Variants in CHODL observed in about 807,000 individuals in gnomAD.
CHODL encodes the protein transmembrane protein MT75.
CHODL carries 29 observed loss-of-function variants against 34.5 expected under a neutral mutation model. That is an observed-to-expected ratio of 0.84 (90% confidence interval 0.63 to 1.15). The LOEUF (loss-of-function observed/expected upper bound fraction) is 1.15, where lower values mean the gene tolerates loss of function less well. Ranked by LOEUF, CHODL falls within the 50% of genes most tolerant of loss-of-function variation. CHODL has a pLI of 0.00. For missense variants in CHODL, 332 were observed against 332.5 expected (o/e 1.00, Z 0.01); for synonymous variants, 125 against 116.1 (o/e 1.08, Z -0.49).
chr21:18,153,443 T>C (rs1006650467), intron 2 of CHODL, among the ~76,000 whole-genome samples: 2 of 152,194 alleles, frequency 1.3e-5, no homozygotes, highest in Non-Finnish European at 2.9e-5. Context: ...GATGAGTCAT[T>C]CTTATGCTTC....
intron 2 of CHODL, among the ~76,000 whole-genome samples, chr21:18,140,298 C>A (rs1383479365): frequency 6.6e-6 from 1 of 152,120 alleles, no homozygotes; most frequent in Admixed American, 6.5e-5. Context: ...CTTGATAATC[C>A]CTAAAATTTA....
At chr21:17,992,718 G>T (rs197563) in intron 1 of CHODL, among the ~76,000 whole-genome samples, 12,444 of 57,166 alleles carry the variant, frequency 0.22, 2,167 homozygotes, top group African/African-American at 0.43. Flanking sequence ...TGGTGGAGTT[G>T]TTTTTTTTTT....
chr21:17,927,242 G>A (rs1341859361), intron 1 of CHODL, among the ~76,000 whole-genome samples: 1 of 150,848 alleles, frequency 6.6e-6, no homozygotes, highest in African/African-American at 2.4e-5. Flanking sequence ...AAGAAAACTT[G>A]AATATTGGCT....
intron 2 of CHODL, among the ~76,000 whole-genome samples, chr21:18,068,900 A>T (rs1329376566): frequency 6.6e-6 from 1 of 152,052 alleles, no homozygotes; most frequent in Non-Finnish European, 1.5e-5. Context: ...ACTCCTGGGT[A>T]AGAGACAAAG....
intron 2 of CHODL, among the ~76,000 whole-genome samples, chr21:18,206,777 C>G (rs1233265236): frequency 6.7e-6 from 1 of 149,722 alleles, no homozygotes; most frequent in Non-Finnish European, 1.5e-5. Flanking sequence ...TGGTGTTCTA[C>G]TTTCTTACTT....
intron 1 of CHODL, among the ~76,000 whole-genome samples, chr21:17,918,408 G>A (rs2063158146): frequency 6.6e-6 from 1 of 152,092 alleles, no homozygotes; most frequent in Non-Finnish European, 1.5e-5. Flanking sequence ...GCGGGGGGTT[G>A]AGGGGCTCAC....
chr21:18,113,131 A>G (rs1391218730), intron 2 of CHODL, among the ~76,000 whole-genome samples: 1 of 152,228 alleles, frequency 6.6e-6, no homozygotes, highest in Non-Finnish European at 1.5e-5. Context: ...ATTTCTCAAA[A>G]GAAGACATAC....
At chr21:18,190,068 A>T (rs1054879907) in intron 2 of CHODL, among the ~76,000 whole-genome samples, 2 of 152,174 alleles carry the variant, frequency 1.3e-5, no homozygotes, top group Non-Finnish European at 2.9e-5. Flanking sequence ...ATAAGTTAGA[A>T]ATTATTTATG....
intron 1 of CHODL, among the ~76,000 whole-genome samples, chr21:17,954,469 AGG>A (rs1483256246): frequency 7.1e-6 from 1 of 140,946 alleles, no homozygotes; most frequent in East Asian, 2.1e-4. Flanking sequence ...TGAGTAAAGA[AGG>A]TTGTCCTCTC....
intron 2 of CHODL, among the ~76,000 whole-genome samples, chr21:18,135,291 G>A (rs1006209136): frequency 6.6e-6 from 1 of 151,972 alleles, no homozygotes; most frequent in East Asian, 1.9e-4. Flanking sequence ...TCATTTATGC[G>A]CTCTCAGTTC....
At chr21:17,939,547 T>C (rs2146329001) in intron 1 of CHODL, among the ~76,000 whole-genome samples, 1 of 152,340 alleles carries the variant, frequency 6.6e-6, no homozygotes, top group East Asian at 1.9e-4. Context: ...ATATAAATGT[T>C]GATAAATAAA....
At chr21:18,110,623 T>C (rs2065336836) in intron 2 of CHODL, among the ~76,000 whole-genome samples, 1 of 152,120 alleles carries the variant, frequency 6.6e-6, no homozygotes, top group African/African-American at 2.4e-5. Context: ...ACTGGGGTCT[T>C]CATGACAAAA....
chr21:18,233,208 G>A (rs2073999175), intron 2 of CHODL, among the ~76,000 whole-genome samples: 1 of 151,814 alleles, frequency 6.6e-6, no homozygotes, highest in African/African-American at 2.4e-5. Context: ...ACATAGAAGT[G>A]AGAACATATG....
chr21:18,097,726 T>G (rs2065156963), intron 2 of CHODL, among the ~76,000 whole-genome samples: 1 of 152,032 alleles, frequency 6.6e-6, no homozygotes, highest in Non-Finnish European at 1.5e-5. Flanking sequence ...CATCATAAAA[T>G]TTATATGGAA....
intron 1 of CHODL, among the ~76,000 whole-genome samples, chr21:17,995,538 A>G (rs1462274088): frequency 2.0e-5 from 3 of 152,098 alleles, no homozygotes; most frequent in African/African-American, 7.2e-5. Context: ...GCATGTGGTT[A>G]TCTACTTGCT....
At chr21:17,967,822 T>C (rs1456142013) in intron 1 of CHODL, among the ~76,000 whole-genome samples, 1 of 152,164 alleles carries the variant, frequency 6.6e-6, no homozygotes. Context: ...CATGAAATGT[T>C]TGTTGCATAC....
intron 1 of CHODL, among the ~76,000 whole-genome samples, chr21:17,931,777 A>C (rs112225295): frequency 1.3e-5 from 2 of 152,190 alleles, no homozygotes; most frequent in African/African-American, 4.8e-5. Flanking sequence ...CTGGGCCTCT[A>C]TCTCTCACCA....
At chr21:18,173,564 T>C (rs1270477155) in intron 2 of CHODL, among the ~76,000 whole-genome samples, 1 of 152,184 alleles carries the variant, frequency 6.6e-6, no homozygotes, top group Non-Finnish European at 1.5e-5. Context: ...CAAGAGCAAG[T>C]TCTTGTAAAG....
chr21:17,924,139 T>C (rs2063205709), intron 1 of CHODL, among the ~76,000 whole-genome samples: 1 of 152,094 alleles, frequency 6.6e-6, no homozygotes, highest in Non-Finnish European at 1.5e-5. Context: ...CCATACAAAG[T>C]GCTAAACAGG....
Sources: gnomAD v4.1 joint callset for allele counts (sites outside exome capture counted in the v4.1 genomes callset) on GRCh38, gnomAD v4.1.1 for gene constraint, MANE v1.5 for transcripts, NCBI Gene and HGNC (gene_info 2026-07-23, HGNC 2026-07-21) for gene names.